C1orf162: variants seen among roughly 807,000 people sequenced by gnomAD.
The protein encoded by C1orf162 is chromosome 1 open reading frame 162.
In C1orf162, 10 loss-of-function variants were observed where a neutral mutation model predicts 11.4. The observed-to-expected ratio is 0.88, with a 90% CI of 0.54 to 1.48. The LOEUF is 1.48. Among genes scored for constraint, C1orf162 ranks in the 40% most tolerant of loss-of-function variants. The probability of loss-of-function intolerance (pLI) is 0.00; values close to 1 mark genes in which losing one functional copy is unlikely to be tolerated. For missense variants in C1orf162, 140 were observed against 149.5 expected (o/e 0.94, Z 0.33); for synonymous variants, 53 against 55.0 (o/e 0.96, Z 0.16).
chr1:111,475,903 C>G (rs1653971458), intron 1 of C1orf162, 115 bp from the exon 2 acceptor site: 1 of 743,194 alleles, frequency 1.3e-6, no homozygotes, highest in South Asian at 1.6e-5. Context: ...ACTAGAACAC[C>G]CACAAATTGC....
In C1orf162 at chr1:111,478,423, A is replaced by G; in HGVS notation, c.*300A>G. On this transcript the variant is annotated 3_prime_UTR_variant, in exon 6 of 6. Transcript: ENST00000369718. ...GTGTGGTACAGAGCTCAGTGCACAG[A>G]GTATTCACCCAGCATCATGAATCAA... 1 of 378,382 alleles carries G rather than the reference A, an allele frequency of 2.6e-6. No individual in the cohort carries two copies. The highest frequency in any genetic ancestry group is 4.9e-6 in the Non-Finnish European group (1 of 205,676). The allele number at this position is 378,382 out of a possible 1,614,324, so 23.4% of individuals were successfully genotyped here.
rs1461086567 is a variant in C1orf162 at position 111,478,503 on chromosome 1, A to AC, written c.*386dup. 1 of 195,120 alleles carries AC rather than the reference A, an allele frequency of 5.1e-6. No individual in the cohort carries two copies. The highest frequency in any genetic ancestry group is 1.2e-4 in the East Asian group (1 of 8,290). 12.1% of individuals were successfully genotyped at this position (195,120 alleles called of 1,614,324 possible). On this transcript the variant is annotated 3_prime_UTR_variant, in exon 6 of 6. Coordinates refer to ENST00000369718, the MANE Select transcript of C1orf162 (RefSeq NM_001300834.2). ...TACCAAAAATTTCAAATAAAGTCAAACCCCCCACAGTGCTGCCTCCATCTT... is the reference window on the plus strand; with the variant it reads ...TACCAAAAATTTCAAATAAAGTCAAACCCCCCCACAGTGCTGCCTCCATCTT...
chr1:111,477,613 C>T, intron 4 of C1orf162, 113 bp from the exon 5 acceptor site: 1 of 1,588,086 alleles, frequency 6.3e-7, no homozygotes, highest in Non-Finnish European at 8.6e-7. Context: ...CCCCACCCAC[C>T]TGCCAACACC....
At chr1:111,477,619 AC>A in intron 4 of C1orf162, 106 bp from the exon 5 acceptor site, 1 of 1,596,242 alleles carries the variant, frequency 6.3e-7, no homozygotes, top group Non-Finnish European at 8.6e-7. Context: ...CCACCTGCCA[AC>A]ACCTCCTCCC....
At chr1:111,477,523 T>C (rs1571389174) in intron 4 of C1orf162, 95 bp downstream of exon 4, 2 of 1,476,502 alleles carry the variant, frequency 1.4e-6, no homozygotes, top group Non-Finnish European at 1.9e-6. Flanking sequence ...TAGGGGAGGG[T>C]GCAGTGTGAT....
chr1:111,476,862 C>G lies in C1orf162; in HGVS notation c.102C>G (p.His34Gln). 6.2e-7 allele frequency: 1 copy of G among 1,613,512 alleles called. No individual in the cohort carries two copies. The highest frequency in any genetic ancestry group is 8.5e-7 in the Non-Finnish European group (1 of 1,179,452). The change falls in exon 3 of 6, where the codon CAC (histidine) becomes CAG (glutamine). Residue 34 changes from histidine to glutamine, a missense_variant. Transcript: ENST00000369718. The stretch of plus-strand genomic sequence containing the variant: ...GCCCTGCACCCTGTCTCTCTAACCA[C>G]CACAAGTAAATGAGCATTCTCCTAT... Reference protein sequence around the residue: ...TTSPAPCLSNHHNKKHLILAF... With the variant: ...TTSPAPCLSNQHNKKHLILAF...
intron 3 of C1orf162, 68 bp from the exon 4 acceptor site, chr1:111,477,266 G>C: frequency 7.5e-7 from 1 of 1,330,736 alleles, no homozygotes; most frequent in Non-Finnish European, 1.1e-6. Flanking sequence ...GGCAGGAAAG[G>C]TTTCACTCTT....
chr1:111,478,133 T>C lies in C1orf162; in HGVS notation c.*10T>C. ...TAAAGTAACAAACTAACTCAGCTTT[T>C]CCAATGAGGCTTGAATCCATTTCCT... On this transcript the variant is annotated 3_prime_UTR_variant, in exon 6 of 6. Transcript: ENST00000369718. The C allele has an allele frequency of 6.2e-7, 1 of 1,614,048 alleles. No individual in the cohort carries two copies. Among genetic ancestry groups the C allele is most frequent in the South Asian group, 1.1e-5 (1 of 91,084 alleles).
intron 1 of C1orf162, chr1:111,475,090 A>G (rs531485952): frequency 6.6e-6 from 1 of 152,346 alleles, no homozygotes; most frequent in African/African-American, 2.4e-5. Context: ...TGATTTAAAT[A>G]AAAATGGAAA....
chr1:111,474,562 A>T (rs1270757046), intron 1 of C1orf162: 5 of 152,194 alleles, frequency 3.3e-5, no homozygotes, highest in African/African-American at 1.2e-4. Flanking sequence ...TCAATATTTT[A>T]AAAATATTAT....
At position 111,475,970 on chromosome 1, in the gene C1orf162, C is replaced by T. The variant is rs59547347; in HGVS notation, c.-11-48C>T. The T allele has an allele frequency of 7.7e-3, 11,609 of 1,516,406 alleles. 577 individuals are homozygous for T. The African/African-American group carries it at 0.12, about 16-fold the overall frequency. 93.9% of individuals were successfully genotyped at this position (1,516,406 alleles called of 1,614,324 possible). A position where few individuals can be genotyped will look rare whatever the true frequency, so the allele number is the denominator to read the frequency against. Reference sequence around the variant, plus strand: ...ACAGTCTCAGAGCTGGCCCTTAAGCCGGCTCTCCCTTCCAAGCTTTCTAAG... The same window carrying T: ...ACAGTCTCAGAGCTGGCCCTTAAGCTGGCTCTCCCTTCCAAGCTTTCTAAG... On this transcript the variant is annotated intron_variant, in intron 1 of 5. Transcript: ENST00000369718.
intron 2 of C1orf162, 98 bp from the exon 3 acceptor site, chr1:111,476,700 T>C: frequency 8.7e-7 from 1 of 1,151,028 alleles, no homozygotes. Flanking sequence ...TAATTTCCAC[T>C]GGTTGCTTGG....
intron 1 of C1orf162, chr1:111,475,731 G>C: frequency 2.8e-6 from 1 of 357,254 alleles, no homozygotes; most frequent in Admixed American, 3.6e-5. Flanking sequence ...TCAGTCTCCT[G>C]TGAGTTGGTT....
At chr1:111,477,123 G>A in intron 3 of C1orf162, 1 of 635,948 alleles carries the variant, frequency 1.6e-6, no homozygotes, top group Non-Finnish European at 2.7e-6. Flanking sequence ...TGTGGGTTGA[G>A]GGAGGGGGAG....
intron 4 of C1orf162, 98 bp from the exon 5 acceptor site, chr1:111,477,627 TC>T: frequency 7.3e-7 from 1 of 1,371,432 alleles, no homozygotes; most frequent in Non-Finnish European, 9.8e-7. Flanking sequence ...CAACACCTCC[TC>T]CCCACCCCAC....
chr1:111,475,816 T>G (rs1653968130), intron 1 of C1orf162: 3 of 512,384 alleles, frequency 5.9e-6, no homozygotes, highest in Admixed American at 3.0e-5. Flanking sequence ...CCTGCAAACC[T>G]GAAGGCTGGC....
intron 4 of C1orf162, 91 bp downstream of exon 4, chr1:111,477,519 A>T: frequency 1.9e-5 from 28 of 1,480,228 alleles, no homozygotes; most frequent in Non-Finnish European, 2.5e-5. Context: ...GAGGTAGGGG[A>T]GGGTGCAGTG....
At chr1:111,475,723 A>G (rs1032911343) in intron 1 of C1orf162, 2 of 331,160 alleles carry the variant, frequency 6.0e-6, no homozygotes, top group Admixed American at 3.8e-5. Flanking sequence ...CTTATACATC[A>G]GTCTCCTGTG....
intron 2 of C1orf162, among the ~76,000 whole-genome samples, chr1:111,476,493 G>T (rs1374980302): frequency 9.9e-5 from 15 of 152,164 alleles, no homozygotes; most frequent in Admixed American, 9.8e-4. Flanking sequence ...TTAGGCCAGA[G>T]GGAGCATATC....
Sources: allele counts gnomAD v4.1 joint callset (sites outside exome capture counted in the v4.1 genomes callset), GRCh38; gene constraint gnomAD v4.1.1; transcripts MANE v1.5; gene names NCBI Gene and HGNC (gene_info 2026-07-23, HGNC 2026-07-21).